Variants in WWC2 observed in about 807,000 individuals in gnomAD.
The protein encoded by WWC2 is WW and C2 domain containing 2.
In WWC2, 101 loss-of-function variants were observed where a neutral mutation model predicts 138.5. The ratio of observed to expected loss-of-function variants is 0.73; its 90% CI spans 0.62 to 0.86. The LOEUF is 0.86. Among genes scored for constraint, WWC2 ranks in the 40% least tolerant of loss-of-function variants. WWC2 has a pLI of 0.00. For missense variants in WWC2, 1,420 were observed against 1,419.4 expected (o/e 1.00, Z -0.01); for synonymous variants, 558 against 538.4 (o/e 1.04, Z -0.50).
intron 16 of WWC2, among the ~76,000 whole-genome samples, chr4:183,278,925 C>G (rs1332124858): frequency 6.6e-6 from 1 of 151,278 alleles, no homozygotes; most frequent in Non-Finnish European, 1.5e-5. Flanking sequence ...CGTCTGCAAA[C>G]AGGGACAATT....
intron 1 of WWC2, among the ~76,000 whole-genome samples, chr4:183,143,729 G>A (rs1733369493): frequency 6.6e-6 from 1 of 151,942 alleles, no homozygotes; most frequent in Non-Finnish European, 1.5e-5. Flanking sequence ...GATCGCTTGA[G>A]CCCAGGAGGC....
chr4:183,223,410 C>T (rs1297772693), intron 4 of WWC2, among the ~76,000 whole-genome samples: 2 of 152,236 alleles, frequency 1.3e-5, no homozygotes, highest in African/African-American at 2.4e-5. Context: ...ATTTCCGTCA[C>T]ATCTCATCCA....
chr4:183,107,466 T>A lies in WWC2; in HGVS notation c.131+7844T>A, dbSNP rs181263391. 1.4e-3 allele frequency among the ~76,000 whole-genome samples: 212 copies of A among 152,290 alleles called. 4 individuals carry two copies. The East Asian group carries it at 0.022, about 16-fold the overall frequency. ...ACTGGCCTCACTTCTTTCTTTTTTTTAAAAAGTTATTTTAGTGGGTGTGAG... is the reference window on the plus strand; with the variant it reads ...ACTGGCCTCACTTCTTTCTTTTTTTAAAAAAGTTATTTTAGTGGGTGTGAG... On this transcript the variant is annotated intron_variant, in intron 1 of 22. Transcript: ENST00000403733.
At chr4:183,192,325 A>T (rs1200721563) in intron 1 of WWC2, among the ~76,000 whole-genome samples, 1 of 152,248 alleles carries the variant, frequency 6.6e-6, no homozygotes, top group Non-Finnish European at 1.5e-5. Context: ...AAGTAGGAAG[A>T]GGTGCCCAGT....
At chr4:183,264,756 C>T (rs538300562) in intron 11 of WWC2, among the ~76,000 whole-genome samples, 1 of 152,162 alleles carries the variant, frequency 6.6e-6, no homozygotes, top group Non-Finnish European at 1.5e-5. Context: ...AAAGAAAAAC[C>T]ATATTCTCTT....
chr4:183,123,350 C>T (rs1224357099), intron 1 of WWC2, among the ~76,000 whole-genome samples: 1 of 151,738 alleles, frequency 6.6e-6, no homozygotes, highest in Non-Finnish European at 1.5e-5. Flanking sequence ...CCTACAAATA[C>T]CAACATAGAC....
At chr4:183,193,297 C>G (rs1735041688) in intron 1 of WWC2, among the ~76,000 whole-genome samples, 1 of 152,146 alleles carries the variant, frequency 6.6e-6, no homozygotes, top group African/African-American at 2.4e-5. Context: ...GTATCTGTTT[C>G]ACTGCAGAGC....
intron 14 of WWC2, among the ~76,000 whole-genome samples, chr4:183,268,464 T>C (rs1046053031): frequency 1.3e-5 from 2 of 152,218 alleles, no homozygotes; most frequent in African/African-American, 4.8e-5. Flanking sequence ...TTAAATTTTC[T>C]TAACAATATG....
chr4:183,151,723 G>A lies in WWC2; in HGVS notation c.132-41876G>A, dbSNP rs561847144. The stretch of plus-strand genomic sequence containing the variant: ...TCTTGAATTAATTTTTGTATAAGGT[G>A]TAAGGAAGGGATCCAGTTTCAGCTT... On this transcript the variant is annotated intron_variant, in intron 1 of 22. Transcript: ENST00000403733. Among the ~76,000 whole-genome samples the A allele has an allele frequency of 9.2e-5, 14 of 152,266 alleles. No homozygotes were observed. The East Asian group carries it at 1.9e-3, about 21-fold the overall frequency.
At chr4:183,100,591 T>C (rs1743147020) in intron 1 of WWC2, among the ~76,000 whole-genome samples, 1 of 152,228 alleles carries the variant, frequency 6.6e-6, no homozygotes, top group African/African-American at 2.4e-5. Flanking sequence ...ATTATAACTT[T>C]ATTGAATGTG....
intron 1 of WWC2, among the ~76,000 whole-genome samples, chr4:183,116,863 G>A (rs1054917720): frequency 1.3e-5 from 2 of 152,120 alleles, no homozygotes; most frequent in South Asian, 4.1e-4. Context: ...ATCCTGCCTT[G>A]CAAGATACCC....
rs1404579220 is a variant in WWC2, at chr4:183,260,588, C to T, written c.1287-322C>T. 2.0e-5 allele frequency among the ~76,000 whole-genome samples: 3 copies of T among 152,346 alleles called. No homozygotes were observed. The East Asian group carries it at 5.8e-4, about 29-fold the overall frequency. Reference sequence around the variant, plus strand: ...TTGCCTACAGTATTCAGAACAGCAACTGCTGTGCAGGTTCGTAGCCTGGGA... The same window carrying T: ...TTGCCTACAGTATTCAGAACAGCAATTGCTGTGCAGGTTCGTAGCCTGGGA... On this transcript the variant is annotated intron_variant, in intron 10 of 22. Transcript: ENST00000403733.
intron 22 of WWC2, among the ~76,000 whole-genome samples, chr4:183,314,496 C>A (rs143255518): frequency 6.6e-6 from 1 of 152,204 alleles, no homozygotes; most frequent in African/African-American, 2.4e-5. Flanking sequence ...GCACGGCTAC[C>A]GTTGCCTGGC....
chr4:183,218,996 A>G (rs1171566344), intron 4 of WWC2, among the ~76,000 whole-genome samples: 2 of 152,248 alleles, frequency 1.3e-5, no homozygotes, highest in African/African-American at 2.4e-5. Context: ...ATATAATGCA[A>G]TATTATTAAG....
intron 4 of WWC2, among the ~76,000 whole-genome samples, chr4:183,236,937 A>G (rs972381979): frequency 2.0e-5 from 3 of 152,102 alleles, no homozygotes; most frequent in Admixed American, 6.5e-5. Context: ...TCTTTAATCA[A>G]TGTTTTATAG....
At chr4:183,184,600 T>C (rs1032881961) in intron 1 of WWC2, among the ~76,000 whole-genome samples, 4 of 152,216 alleles carry the variant, frequency 2.6e-5, no homozygotes, top group Non-Finnish European at 5.9e-5. Flanking sequence ...CCACCCACAA[T>C]GTACAGAGTT....
chr4:183,256,746 A>G (rs1461496675), intron 9 of WWC2, among the ~76,000 whole-genome samples: 2 of 152,036 alleles, frequency 1.3e-5, no homozygotes, highest in Non-Finnish European at 2.9e-5. Flanking sequence ...TCCCCAACAT[A>G]TTCCTGTTTT....
intron 1 of WWC2, among the ~76,000 whole-genome samples, chr4:183,125,530 GAA>G (rs1227823761): frequency 6.6e-6 from 1 of 152,146 alleles, no homozygotes; most frequent in African/African-American, 2.4e-5. Flanking sequence ...CGTTGTGAGA[GAA>G]AATGAAAAAG....
chr4:183,132,661 G>A (rs1732963035), intron 1 of WWC2, among the ~76,000 whole-genome samples: 1 of 151,936 alleles, frequency 6.6e-6, no homozygotes. Flanking sequence ...CACCGTGTTA[G>A]CCAGGATGGT....
Sources: allele counts gnomAD v4.1 joint callset (sites outside exome capture counted in the v4.1 genomes callset), GRCh38; gene constraint gnomAD v4.1.1; transcripts MANE v1.5; gene names NCBI Gene and HGNC (gene_info 2026-07-23, HGNC 2026-07-21).